Variants in TP63 observed in about 807,000 individuals in gnomAD.
The protein encoded by TP63 is tumor protein p63.
TP63 carries 17 observed loss-of-function variants against 82.8 expected under a neutral mutation model. That is an observed-to-expected ratio of 0.21 (90% CI 0.14 to 0.31). The LOEUF (loss-of-function observed/expected upper bound fraction) is 0.31, where lower values mean the gene tolerates loss of function less well. TP63 is among the 10% of genes least tolerant of loss of function. The pLI, the probability that TP63 is intolerant of heterozygous loss-of-function variation, is 1.00. For synonymous variants in TP63, 330 were observed against 321.7 expected, an observed-to-expected ratio of 1.03 and a Z score of -0.28; for missense variants, 648 against 895.3, an observed-to-expected ratio of 0.72 and a Z score of 3.52.
chr3:189,686,874 G>A (rs150140500), intron 1 of TP63, among the ~76,000 whole-genome samples: 1,953 of 151,914 alleles, frequency 0.013, 31 homozygotes, highest in Admixed American at 0.022. Flanking sequence ...GGGATGACAG[G>A]CACCTGCCAC....
chr3:189,882,908 C>T (rs73889902), intron 10 of TP63, among the ~76,000 whole-genome samples: 6,517 of 152,222 alleles, frequency 0.043, 464 homozygotes, highest in African/African-American at 0.14. Context: ...GCTGGAAATA[C>T]GTGAAATATG....
rs540241282 is a variant in TP63 at position 189,880,131 on chromosome 3, G to A, written c.1350-6263G>A. The A allele has an allele frequency of 5.0e-6, 8 of 1,613,814 alleles. No homozygotes were observed. Among genetic ancestry groups the A allele is most frequent in the East Asian group, 4.5e-5 (2 of 44,876 alleles). ...GAGAGAAACTCCAAAACAATCTGAC[G>A]TCTTCTTTAGACATTCCAAGCCCCC... On this transcript the variant is annotated intron_variant, in intron 10 of 13. Transcript: ENST00000264731.
intron 10 of TP63, among the ~76,000 whole-genome samples, chr3:189,884,807 T>A (rs1407901018): frequency 4.6e-5 from 7 of 152,228 alleles, no homozygotes; most frequent in Non-Finnish European, 1.0e-4. Flanking sequence ...TTATACACAT[T>A]AAAATACAGC....
intron 3 of TP63, among the ~76,000 whole-genome samples, chr3:189,763,258 A>G (rs551509427): frequency 5.2e-4 from 79 of 152,280 alleles, no homozygotes; most frequent in African/African-American, 1.7e-3. Flanking sequence ...TGACAGACAG[A>G]GCAAGGCCCT....
chr3:189,733,457 C>T (rs796537567), intron 1 of TP63, among the ~76,000 whole-genome samples: 5 of 152,260 alleles, frequency 3.3e-5, no homozygotes, highest in African/African-American at 1.2e-4. Flanking sequence ...TGTTGAGAGC[C>T]TATTTGTGTG....
intron 4 of TP63, among the ~76,000 whole-genome samples, chr3:189,820,009 A>G (rs1167029826): frequency 2.6e-5 from 4 of 152,126 alleles, no homozygotes; most frequent in African/African-American, 9.7e-5. Flanking sequence ...TCGGCCTCCC[A>G]AAGTGCTGGG....
chr3:189,893,175 A>T (rs910311049), intron 13 of TP63, among the ~76,000 whole-genome samples: 1 of 152,240 alleles, frequency 6.6e-6, no homozygotes, highest in African/African-American at 2.4e-5. Flanking sequence ...CAAATGGTTA[A>T]TATTTATAGA....
At chr3:189,678,440 A>G (rs1373296000) in intron 1 of TP63, among the ~76,000 whole-genome samples, 1 of 152,028 alleles carries the variant, frequency 6.6e-6, no homozygotes, top group Non-Finnish European at 1.5e-5. Flanking sequence ...ACATTGATCT[A>G]TGTATCTATT....
rs144210285 is a variant in TP63 at position 189,812,641 on chromosome 3, A to G, written c.579+4115A>G. Reference sequence around the variant, plus strand: ...TCTCTAAACCTCACTTTTCTCACCTACAAATGGGAACAAATGGGAACATTA... The same window carrying G: ...TCTCTAAACCTCACTTTTCTCACCTGCAAATGGGAACAAATGGGAACATTA... On this transcript the variant is annotated intron_variant, in intron 4 of 13. Coordinates refer to ENST00000264731, the MANE Select transcript of TP63 (RefSeq NM_003722.5). 2.8e-4 allele frequency among the ~76,000 whole-genome samples: 42 copies of G among 152,262 alleles called. No individual in the cohort carries two copies. In the East Asian group the frequency reaches 8.1e-3, roughly 29 times the overall value.
chr3:189,655,969 C>G (rs1156653771), intron 1 of TP63, among the ~76,000 whole-genome samples: 2 of 152,158 alleles, frequency 1.3e-5, no homozygotes, highest in African/African-American at 4.8e-5. Context: ...GACAGGGACT[C>G]ATTGCTTTTG....
chr3:189,769,633 A>G (rs1348988063), intron 3 of TP63, among the ~76,000 whole-genome samples: 1 of 152,210 alleles, frequency 6.6e-6, no homozygotes, highest in Non-Finnish European at 1.5e-5. Context: ...TAGCCAATAA[A>G]TGGTTTATAT....
At chr3:189,701,607 G>A (rs1717814296) in intron 1 of TP63, among the ~76,000 whole-genome samples, 1 of 150,126 alleles carries the variant, frequency 6.7e-6, no homozygotes, top group Admixed American at 6.7e-5. Flanking sequence ...AAATGTGGGA[G>A]GAATACAAAA....
intron 1 of TP63, among the ~76,000 whole-genome samples, chr3:189,729,508 T>A (rs921643524): frequency 6.6e-6 from 1 of 152,158 alleles, no homozygotes; most frequent in African/African-American, 2.4e-5. Context: ...AAATAGAGTT[T>A]TTTAAGAATA....
intron 4 of TP63, among the ~76,000 whole-genome samples, chr3:189,863,100 G>A (rs534983997): frequency 6.6e-5 from 10 of 152,310 alleles, no homozygotes; most frequent in African/African-American, 2.4e-4. Context: ...TAACGAATCC[G>A]ATTGCCACTA....
chr3:189,633,341 G>A (rs1210550511), intron 1 of TP63, among the ~76,000 whole-genome samples: 1 of 151,878 alleles, frequency 6.6e-6, no homozygotes, highest in Admixed American at 6.6e-5. Flanking sequence ...ACTAAGCCTA[G>A]TACCCATTAG....
chr3:189,854,967 G>C (rs1161029652), intron 4 of TP63, among the ~76,000 whole-genome samples: 1 of 152,160 alleles, frequency 6.6e-6, no homozygotes, highest in Non-Finnish European at 1.5e-5. Context: ...AATAAGGAAG[G>C]ACATTTGAAA....
chr3:189,614,237 C>G, the TP63 span, among the ~76,000 whole-genome samples: 2 of 152,120 alleles, frequency 1.3e-5, no homozygotes, highest in African/African-American at 4.8e-5. Flanking sequence ...ACCAGTCTTT[C>G]CTGTGCTATT....
At chr3:189,720,736 GA>G (rs548352369) in intron 1 of TP63, among the ~76,000 whole-genome samples, 2,564 of 120,848 alleles carry the variant, frequency 0.021, 35 homozygotes, top group Middle Eastern at 0.052. Flanking sequence ...CTCCGTCTCA[GA>G]AAAAAAAAAA....
chr3:189,872,741 A>G, intron 9 of TP63, 118 bp from the exon 10 acceptor site: 1 of 1,432,368 alleles, frequency 7.0e-7, no homozygotes, highest in South Asian at 1.2e-5. Context: ...GTTACAAATA[A>G]ACGTTAGCAA....
Sources: allele counts gnomAD v4.1 joint callset (sites outside exome capture counted in the v4.1 genomes callset), GRCh38; gene constraint gnomAD v4.1.1; transcripts MANE v1.5; gene names NCBI Gene and HGNC (gene_info 2026-07-23, HGNC 2026-07-21).